ALMS1: variants seen among roughly 807,000 people sequenced by gnomAD.
ALMS1 encodes ALMS1 centrosome and basal body associated protein.
ALMS1 carries 271 observed loss-of-function variants against 352.2 expected under a neutral mutation model. That is an observed-to-expected ratio of 0.77 (90% CI 0.70 to 0.85). The LOEUF (loss-of-function observed/expected upper bound fraction) is 0.85. ALMS1 is among the 40% of genes least tolerant of loss of function. The probability of loss-of-function intolerance (pLI) is 0.00; values close to 1 mark genes in which losing one functional copy is unlikely to be tolerated. For missense variants in ALMS1, 5,445 were observed against 4,870.7 expected, an observed-to-expected ratio of 1.12 and a Z score of -3.51; for synonymous variants, 1,865 against 1,761.2, an observed-to-expected ratio of 1.06 and a Z score of -1.48.
chr2:73,548,339 A>G (rs887551215), intron 12 of ALMS1, among the ~76,000 whole-genome samples: 2 of 152,206 alleles, frequency 1.3e-5, no homozygotes, highest in Admixed American at 1.3e-4. Context: ...ACTCGCACAT[A>G]CTATAGCTAT....
intron 11 of ALMS1, among the ~76,000 whole-genome samples, chr2:73,531,680 G>A (rs943604092): frequency 4.6e-5 from 7 of 152,156 alleles, no homozygotes; most frequent in African/African-American, 1.7e-4. Flanking sequence ...TTTTCACACT[G>A]CTTTAAAGAT....
In ALMS1 at chr2:73,478,082, A is replaced by G. The variant is rs141069224; in HGVS notation, c.7675-11552A>G. Among the ~76,000 whole-genome samples, 202 of 152,272 alleles carry G rather than the reference A, an allele frequency of 1.3e-3. 2 individuals are homozygous for G. The highest frequency in any genetic ancestry group is 4.7e-3 in the African/African-American group (194 of 41,562). ...AGCATCTAGCTTTTCATTATTCGGT[A>G]TTATGTTAGCGCTGAGTCTTTCATA... On this transcript the variant is annotated intron_variant, in intron 9 of 22. Coordinates refer to ENST00000613296, the MANE Select transcript of ALMS1 (RefSeq NM_001378454.1).
At chr2:73,402,270 CTTTTTTTTTTTTT>C (rs61360284) in intron 1 of ALMS1, among the ~76,000 whole-genome samples, 2 of 122,832 alleles carry the variant, frequency 1.6e-5, no homozygotes, top group African/African-American at 3.1e-5. Context: ...TTCTCTCTCT[CTTTTTTTTTTTTT>C]TTTTTTTTAA....
intron 2 of ALMS1, among the ~76,000 whole-genome samples, chr2:73,410,446 C>T (rs1448604649): frequency 6.6e-6 from 1 of 152,110 alleles, no homozygotes; most frequent in Non-Finnish European, 1.5e-5. Flanking sequence ...CATACACACA[C>T]CTCACAGACG....
Position 73,519,940 on chromosome 2 carries a change from G to A in ALMS1, c.9705G>A (p.Gln3235=). 1 of 1,614,096 alleles carries A rather than the reference G, an allele frequency of 6.2e-7. No individual in the cohort carries two copies. The change falls in exon 11 of 23, where the codon CAG becomes CAA. Residue 3235 remains glutamine (Q), a synonymous_variant. Transcript: ENST00000613296. ...ATGAAATTATAGAGCCTGGTAACCA[G>A]AAGCTACGCAAAGCTCCTGTCAAGT... ...RGHEIIEPGN[Q]KLRKAPVKFA...
At chr2:73,487,412 C>G (rs1672874978) in intron 9 of ALMS1, among the ~76,000 whole-genome samples, 1 of 152,120 alleles carries the variant, frequency 6.6e-6, no homozygotes, top group Non-Finnish European at 1.5e-5. Flanking sequence ...TGCGTGGCTT[C>G]TGCTGTGGGC....
intron 10 of ALMS1, among the ~76,000 whole-genome samples, chr2:73,497,183 A>G (rs1673127911): frequency 3.9e-5 from 6 of 152,018 alleles, no homozygotes; most frequent in Admixed American, 3.9e-4. Context: ...ATTCATAGTC[A>G]TTTGAGTCAT....
rs183775749 is a variant in ALMS1 at position 73,427,654 on chromosome 2, C to T, written c.1338+1101C>T. ...CCTCCCCTAACCCCCTACCCCGCGACGGGCCCTGGTGTGTGATGTTCCCCT... is the reference window on the plus strand; with the variant it reads ...CCTCCCCTAACCCCCTACCCCGCGATGGGCCCTGGTGTGTGATGTTCCCCT... On this transcript the variant is annotated intron_variant, in intron 6 of 22. Transcript: ENST00000613296. Among the ~76,000 whole-genome samples, 18 of 152,184 alleles carry T rather than the reference C, an allele frequency of 1.2e-4. No homozygotes were observed. Among genetic ancestry groups the T allele is most frequent in the African/African-American group, 4.1e-4 (17 of 41,508 alleles).
intron 10 of ALMS1, among the ~76,000 whole-genome samples, chr2:73,507,204 C>T (rs1445337542): frequency 2.0e-5 from 3 of 152,022 alleles, no homozygotes; most frequent in Non-Finnish European, 4.4e-5. Flanking sequence ...AGGATTTTTG[C>T]ATCGATGTTT....
At position 73,559,414 on chromosome 2, in the gene ALMS1, T is replaced by C. The variant is rs571549884; in HGVS notation, c.10384+272T>C. ...ATAAATAAATACCTAAGGCTGATAGTTTTAGAAGTGAAGTATCTTGTCTCA... is the reference window on the plus strand; with the variant it reads ...ATAAATAAATACCTAAGGCTGATAGCTTTAGAAGTGAAGTATCTTGTCTCA... On this transcript the variant is annotated intron_variant, in intron 15 of 22. Transcript: ENST00000613296. Among the ~76,000 whole-genome samples, 8 of 152,228 alleles carry C rather than the reference T, an allele frequency of 5.3e-5. No individual in the cohort carries two copies. In the East Asian group the frequency reaches 1.5e-3, roughly 29 times the overall value.
At position 73,454,029 on chromosome 2, in the gene ALMS1, GA is replaced by G. The variant is rs1427938324; in HGVS notation, c.7505del (p.Asn2502MetfsTer16). 1 of 1,613,194 alleles carries G rather than the reference GA, an allele frequency of 6.2e-7. No individual in the cohort carries two copies. Among genetic ancestry groups the G allele is most frequent in the South Asian group, 1.1e-5 (1 of 90,946 alleles). On this transcript the variant is annotated frameshift_variant, in exon 8 of 23. Transcript: ENST00000613296. LOFTEE classifies it high-confidence loss of function. ...SSLNHAKEIL[R>X]NAEEEESRVR... The stretch of plus-strand genomic sequence containing the variant: ...CTGAATCATGCTAAAGAAATACTCA[GA>G]AATGCAGAGGAAGAGGAAAGCCGGG...
chr2:73,402,021 GTGTGTGTGTGTTA>G (rs1231646058), intron 1 of ALMS1, among the ~76,000 whole-genome samples: 2,453 of 145,690 alleles, frequency 0.017, 67 homozygotes, highest in African/African-American at 0.061. Flanking sequence ...TCGTGTGTAT[GTGTGTGTGTGTTA>G]TGTGTGTGTG....
intron 9 of ALMS1, among the ~76,000 whole-genome samples, chr2:73,467,631 T>C (rs1452636990): frequency 6.6e-6 from 1 of 152,056 alleles, no homozygotes; most frequent in Non-Finnish European, 1.5e-5. Flanking sequence ...TCAGTACATA[T>C]GTTCAGTAGA....
rs942924621 is a variant in ALMS1 at position 73,391,727 on chromosome 2, TTC to T, written c.324+5537_324+5538del. On this transcript the variant is annotated intron_variant, in intron 1 of 22. Transcript: ENST00000613296. ...TATTTGATAATGGTTTTAAATGTTT[TTC>T]TGTTTGTTTTTTGTTTTCTTGGCCA... 1.4e-4 allele frequency among the ~76,000 whole-genome samples: 22 copies of T among 152,348 alleles called. No homozygotes were observed. In the East Asian group the frequency reaches 1.9e-3, roughly 13 times the overall value.
intron 2 of ALMS1, among the ~76,000 whole-genome samples, chr2:73,409,936 A>G (rs1290574631): frequency 7.2e-5 from 11 of 152,064 alleles, no homozygotes; most frequent in Admixed American, 4.6e-4. Context: ...CAGGTAGAAT[A>G]CCCTCCAGCT....
At chr2:73,538,767 C>T (rs1482492321) in intron 12 of ALMS1, among the ~76,000 whole-genome samples, 1 of 152,208 alleles carries the variant, frequency 6.6e-6, no homozygotes, top group African/African-American at 2.4e-5. Flanking sequence ...GATCCTACGC[C>T]CACGGAGCCT....
chr2:73,490,270 C>A lies in ALMS1; in HGVS notation c.8311C>A (p.Pro2771Thr), dbSNP rs1245686264. 2.5e-6 allele frequency: 4 copies of A among 1,613,826 alleles called. No individual in the cohort carries two copies. The highest frequency in any genetic ancestry group is 3.4e-6 in the Non-Finnish European group (4 of 1,179,954). The change falls in exon 10 of 23, where the codon CCT becomes ACT. Residue 2771 changes from proline to threonine, a missense_variant. Coordinates refer to ENST00000613296, the MANE Select transcript of ALMS1 (RefSeq NM_001378454.1). ...AGATCTTAAACAGAAAACCTCTTCCCCTTCATCATTTAAAATGCATAGTAA... is the reference window on the plus strand; with the variant it reads ...AGATCTTAAACAGAAAACCTCTTCCACTTCATCATTTAAAATGCATAGTAA... ...PRDLKQKTSS[P>T]SSFKMHSNSQ...
At chr2:73,404,135 G>T (rs1341873714) in intron 1 of ALMS1, among the ~76,000 whole-genome samples, 1 of 152,218 alleles carries the variant, frequency 6.6e-6, no homozygotes, top group Non-Finnish European at 1.5e-5. Context: ...CTGACCTCAA[G>T]TGATCCACCC....
chr2:73,471,033 T>G (rs1672455314), intron 9 of ALMS1: 1 of 151,884 alleles, frequency 6.6e-6, no homozygotes, highest in Non-Finnish European at 1.5e-5. Flanking sequence ...AGATCTTATT[T>G]TTAAAATTAA....
Sources: gnomAD v4.1 joint callset for allele counts (sites outside exome capture counted in the v4.1 genomes callset) on GRCh38, gnomAD v4.1.1 for gene constraint, MANE v1.5 for transcripts, NCBI Gene and HGNC (gene_info 2026-07-23, HGNC 2026-07-21) for gene names.